The following TMC1 variants were observed in gnomAD, a reference collection of about 807,000 sequenced individuals.
TMC1 encodes the protein transmembrane channel-like protein 1.
In TMC1, 84 loss-of-function variants were observed where a neutral mutation model predicts 105.8. That is an observed-to-expected ratio of 0.79 (90% CI 0.67 to 0.95). The LOEUF (loss-of-function observed/expected upper bound fraction) is 0.95. Among genes scored for constraint, TMC1 ranks in the 40% least tolerant of loss-of-function variants. The pLI, the probability that TMC1 is intolerant of heterozygous loss-of-function variation, is 0.00. For synonymous variants in TMC1, 315 were observed against 311.5 expected (o/e 1.01, Z -0.12); for missense variants, 817 against 914.1 (o/e 0.89, Z 1.37).
chr9:72,616,218 T>G (rs1315142192), intron 2 of TMC1, 150 bp from the exon 3 acceptor site: 1 of 152,194 alleles, frequency 6.6e-6, no homozygotes, highest in Non-Finnish European at 1.5e-5. Context: ...TCTCTTCACA[T>G]TATAGTTGGG....
At chr9:72,608,382 T>C (rs747170276) in intron 2 of TMC1, among the ~76,000 whole-genome samples, 1 of 152,214 alleles carries the variant, frequency 6.6e-6, no homozygotes, top group Non-Finnish European at 1.5e-5. Context: ...CATTCTACTA[T>C]TTTAAGGTTT....
intron 1 of TMC1, among the ~76,000 whole-genome samples, chr9:72,568,134 C>A (rs1458148831): frequency 6.7e-6 from 1 of 150,332 alleles, no homozygotes; most frequent in Non-Finnish European, 1.5e-5. Flanking sequence ...CCCAGATAAA[C>A]ATGGTTTAGC....
chr9:72,595,796 C>T (rs1564433145), intron 2 of TMC1, among the ~76,000 whole-genome samples: 5 of 150,486 alleles, frequency 3.3e-5, no homozygotes, highest in Admixed American at 2.7e-4. Context: ...CCTGCTTGAG[C>T]TTCCTGAGTA....
At chr9:72,591,823 G>T (rs1824643489) in intron 2 of TMC1, among the ~76,000 whole-genome samples, 1 of 152,108 alleles carries the variant, frequency 6.6e-6, no homozygotes, top group Non-Finnish European at 1.5e-5. Context: ...TCTCTCCTTG[G>T]CCTCCCAAAG....
At chr9:72,792,400 A>G (rs1176691980) in intron 17 of TMC1, 48 bp downstream of exon 17, 1 of 1,608,410 alleles carries the variant, frequency 6.2e-7, no homozygotes, top group Non-Finnish European at 8.5e-7. Flanking sequence ...TTAAAAAAAG[A>G]GAGTCAATAT....
intron 4 of TMC1, among the ~76,000 whole-genome samples, chr9:72,638,327 G>A (rs753140825): frequency 1.3e-5 from 2 of 152,044 alleles, no homozygotes; most frequent in Non-Finnish European, 1.5e-5. Context: ...CTAGAGGCCC[G>A]GGAGTCATTT....
intron 12 of TMC1, among the ~76,000 whole-genome samples, chr9:72,769,543 C>T (rs1827891639): frequency 6.6e-6 from 1 of 152,190 alleles, no homozygotes; most frequent in Admixed American, 6.5e-5. Flanking sequence ...AAATCAGTCA[C>T]TTTTCCCCGA....
At chr9:72,822,203 G>A (rs1243284077) in intron 20 of TMC1, among the ~76,000 whole-genome samples, 2 of 152,188 alleles carry the variant, frequency 1.3e-5, no homozygotes, top group Non-Finnish European at 2.9e-5. Flanking sequence ...TCACTGGCCA[G>A]CATGCACTTG....
chr9:72,545,135 T>G (rs906649904), intron 1 of TMC1, among the ~76,000 whole-genome samples: 2 of 129,506 alleles, frequency 1.5e-5, no homozygotes, highest in African/African-American at 7.3e-5. Flanking sequence ...ATGATATATA[T>G]ATACACACAC....
At chr9:72,793,762 G>A (rs1369928794) in intron 17 of TMC1, among the ~76,000 whole-genome samples, 1 of 152,160 alleles carries the variant, frequency 6.6e-6, no homozygotes, top group Non-Finnish European at 1.5e-5. Flanking sequence ...ATATACTGCA[G>A]CAGCCCTATG....
Position 72,745,376 on chromosome 9 carries a change from G to T in TMC1, c.535+2851G>T, listed in dbSNP as rs1334245183. On this transcript the variant is annotated intron_variant, in intron 10 of 23. Coordinates refer to ENST00000297784, the MANE Select transcript of TMC1 (RefSeq NM_138691.3). ...TAGGCTGCTTTCTCCTTTAGGGAAG[G>T]TTTTACATACTTTTTCTTTTTAAAT... Among the ~76,000 whole-genome samples, 5 of 152,236 alleles carry T rather than the reference G, an allele frequency of 3.3e-5. No individual in the cohort carries two copies. The East Asian group carries it at 9.6e-4, about 29-fold the overall frequency.
At position 72,788,355 on chromosome 9, in the gene TMC1, G is replaced by A. The variant is rs770320624; in HGVS notation, c.901G>A (p.Gly301Ser). The part of the protein sequence containing the change: ...VVLKAMTKNI[G>S]DDGGGDDNTF... ...TTTTTGCAGAATGACCAAAAACATT[G>A]GTGATGATGGAGGTGGAGATGACAA... The change falls in exon 14 of 24, where the codon GGT (glycine) becomes AGT (serine). Residue 301 changes from glycine to serine, a missense_variant. Transcript: ENST00000297784. 6.2e-7 allele frequency: 1 copy of A among 1,613,966 alleles called. No individual in the cohort carries two copies. The highest frequency in any genetic ancestry group is 8.5e-7 in the Non-Finnish European group (1 of 1,179,908).
chr9:72,778,741 G>T (rs1828043545), intron 13 of TMC1, among the ~76,000 whole-genome samples: 1 of 152,174 alleles, frequency 6.6e-6, no homozygotes, highest in Admixed American at 6.5e-5. Flanking sequence ...TGCCTCCCTT[G>T]TCTGCCAGCC....
rs140573325 is a variant in TMC1 at position 72,655,729 on chromosome 9, G to A, written c.16+7065G>A. On this transcript the variant is annotated intron_variant, in intron 5 of 23. Transcript: ENST00000297784. ...TGCACTCCAGCCCGGGCGACAGACC[G>A]AGAATCCGTATCAAAAAAAAAAAAT... 194 of 437,938 alleles carry A rather than the reference G, an allele frequency of 4.4e-4. 1 individual carries two copies. Among genetic ancestry groups the A allele is most frequent in the African/African-American group, 4.0e-3 (163 of 41,184 alleles). The allele number at this position is 437,938 out of a possible 1,614,324, so 27.1% of individuals were successfully genotyped here.
intron 12 of TMC1, among the ~76,000 whole-genome samples, chr9:72,771,533 C>T (rs938466167): frequency 2.0e-5 from 3 of 152,166 alleles, no homozygotes; most frequent in Non-Finnish European, 4.4e-5. Flanking sequence ...GGTTGACTCA[C>T]CTGATCTCAA....
chr9:72,791,931 T>C lies in TMC1; in HGVS notation c.1270T>C (p.Phe424Leu). 1 of 1,613,778 alleles carries C rather than the reference T, an allele frequency of 6.2e-7. No homozygotes were observed. Among genetic ancestry groups the C allele is most frequent in the Non-Finnish European group, 8.5e-7 (1 of 1,179,974 alleles). The change falls in exon 16 of 24, where the codon TTT becomes CTT. Residue 424 changes from phenylalanine (F) to leucine (L), a missense_variant. Physicochemically the swap from Phe to Leu is conservative, Grantham distance 22. Transcript: ENST00000297784. Reference sequence around the variant, plus strand: ...CCTAGGGATGTTCTGTCCAACATTGTTTGACTTATTTGCTGAATTAGAAGA... The same window carrying C: ...CCTAGGGATGTTCTGTCCAACATTGCTTGACTTATTTGCTGAATTAGAAGA... Reference protein sequence around the residue: ...SLLGMFCPTLFDLFAELEDYH... With the variant: ...SLLGMFCPTLLDLFAELEDYH...
chr9:72,571,487 G>A (rs1447329267), intron 1 of TMC1, among the ~76,000 whole-genome samples: 6 of 142,100 alleles, frequency 4.2e-5, no homozygotes, highest in African/African-American at 1.0e-4. Context: ...TCGCTCTGTC[G>A]CCCAGGCTGG....
intron 12 of TMC1, among the ~76,000 whole-genome samples, chr9:72,768,783 G>A (rs1200783200): frequency 1.3e-5 from 2 of 152,156 alleles, no homozygotes; most frequent in African/African-American, 4.8e-5. Context: ...CCAGATGCTT[G>A]TTCTATATCT....
intron 8 of TMC1, among the ~76,000 whole-genome samples, chr9:72,706,424 G>C (rs934796714): frequency 1.3e-5 from 2 of 152,124 alleles, no homozygotes; most frequent in South Asian, 2.1e-4. Flanking sequence ...GGAACAGGTG[G>C]TATTTGGTTA....
Sources: allele counts gnomAD v4.1 joint callset (sites outside exome capture counted in the v4.1 genomes callset), GRCh38; gene constraint gnomAD v4.1.1; transcripts MANE v1.5; gene names NCBI Gene and HGNC (gene_info 2026-07-23, HGNC 2026-07-21).